The following DNMT3A variants were observed in gnomAD, a reference collection of about 807,000 sequenced individuals.
DNMT3A encodes the protein DNA methyltransferase 3 alpha.
Under a neutral mutation model 117.6 loss-of-function variants are expected in DNMT3A, and 267 were observed. The ratio of observed to expected loss-of-function variants is 2.27; its 90% CI spans 2.05 to 2.51. The LOEUF (loss-of-function observed/expected upper bound fraction) is 2.51, where lower values mean the gene tolerates loss of function less well. Ranked by LOEUF, DNMT3A falls within the 30% of genes most tolerant of loss-of-function variation. DNMT3A has a pLI of 0.00. For synonymous variants in DNMT3A, 432 were observed against 474.8 expected, an observed-to-expected ratio of 0.91 and a Z score of 1.17; for missense variants, 1,029 against 1,260.2, an observed-to-expected ratio of 0.82 and a Z score of 2.78.
At position 25,234,821 on chromosome 2, in the gene DNMT3A, G is replaced by A. The variant is rs148091469; in HGVS notation, c.2598-401C>T. Among the ~76,000 whole-genome samples the A allele has an allele frequency of 6.6e-6, 1 of 152,262 alleles. No individual in the cohort carries two copies. The highest frequency in any genetic ancestry group is 2.4e-5 in the African/African-American group (1 of 41,536). On this transcript the variant is annotated intron_variant, in intron 22 of 22. Transcript: ENST00000321117. This position sits in a 1 kb window ranked among gnomAD's most constrained non-coding sequence, Gnocchi z 4.5. ...CGTACACCTGGAGTCTGCATGTAAC[G>A]AACACGTAGCCCTAGCATCCTCCCC...
chr2:25,275,532 T>C lies in DNMT3A; in HGVS notation c.460A>G (p.Lys154Glu), dbSNP rs1388356560. Residue 154 changes from lysine to glutamate, a missense_variant, in exon 5 of 23, where the codon AAG (lysine) becomes GAG (glutamate). Physicochemically the swap from Lys to Glu is moderately conservative, Grantham distance 56. Coordinates refer to ENST00000321117, the MANE Select transcript of DNMT3A (RefSeq NM_022552.5). ...GAPAEAGKEQKETNIESMKME... is the reference protein window; with the variant it reads ...GAPAEAGKEQEETNIESMKME... ...TTCATGGATTCGATGTTGGTCTCCT[T>C]CTGTTCTTTGCCTGTGGAGAGGGAA... is the stretch of plus-strand genomic sequence containing the variant. 1.9e-6 allele frequency: 3 copies of C among 1,583,892 alleles called. No individual in the cohort carries two copies. The highest frequency in any genetic ancestry group is 2.6e-6 in the Non-Finnish European group (3 of 1,170,242).
intron 6 of DNMT3A, among the ~76,000 whole-genome samples, chr2:25,249,425 T>C (rs1325871040): frequency 6.6e-6 from 1 of 152,198 alleles, no homozygotes; most frequent in Admixed American, 6.5e-5. Flanking sequence ...CAAGAGCCTG[T>C]CTGTTCCCAT....
At chr2:25,291,106 G>T (rs2032727097) in intron 3 of DNMT3A, among the ~76,000 whole-genome samples, 1 of 152,178 alleles carries the variant, frequency 6.6e-6, no homozygotes, top group Non-Finnish European at 1.5e-5. Context: ...GTGCAAGGAA[G>T]CTGCGTGATG....
intron 1 of DNMT3A, among the ~76,000 whole-genome samples, chr2:25,317,563 T>C (rs1287341984): frequency 1.3e-5 from 2 of 152,162 alleles, no homozygotes; most frequent in African/African-American, 2.4e-5. Context: ...AAGAGGATGC[T>C]TGTGTGAGAA....
At position 25,240,632 on chromosome 2, in the gene DNMT3A, G is replaced by T; in HGVS notation, c.2173+8C>A. 6.2e-7 allele frequency: 1 copy of T among 1,614,168 alleles called. No individual in the cohort carries two copies. On this transcript the variant is annotated splice_region_variant and intron_variant, in intron 18 of 22. Transcript: ENST00000321117. ...CTGAGAAGGTGGAGGGGACAGGATG[G>T]TACCTACCGTAGAGGCCCTTGCGAG...
At chr2:25,314,230 G>A in intron 1 of DNMT3A, 69 bp from the exon 2 acceptor site, 1 of 1,381,666 alleles carries the variant, frequency 7.2e-7, no homozygotes, top group African/African-American at 1.5e-5. Context: ...CCTCAGCCCA[G>A]GGCCACACCT....
intron 6 of DNMT3A, among the ~76,000 whole-genome samples, chr2:25,249,377 T>TC (rs1412332562): frequency 6.6e-6 from 1 of 151,980 alleles, no homozygotes; most frequent in Non-Finnish European, 1.5e-5. Flanking sequence ...AGAGCCCATC[T>TC]CCCCCCAGCA....
At chr2:25,303,321 C>T (rs1414961049) in intron 2 of DNMT3A, among the ~76,000 whole-genome samples, 5 of 152,244 alleles carry the variant, frequency 3.3e-5, no homozygotes, top group Non-Finnish European at 2.9e-5. Flanking sequence ...ACTGGGCATG[C>T]GGAGAAAGCC....
intron 3 of DNMT3A, among the ~76,000 whole-genome samples, chr2:25,290,484 G>A (rs1403932850): frequency 6.6e-6 from 1 of 152,152 alleles, no homozygotes; most frequent in Non-Finnish European, 1.5e-5. Context: ...ACCACATCCA[G>A]CTAATTTTTG....
rs980118406 is a variant in DNMT3A, at chr2:25,306,281, A to G, written c.73-6038T>C. Among the ~76,000 whole-genome samples the G allele has an allele frequency of 6.6e-6, 1 of 152,212 alleles. No individual in the cohort carries two copies. The highest frequency in any genetic ancestry group is 6.5e-5 in the Admixed American group (1 of 15,278). The stretch of plus-strand genomic sequence containing the variant: ...CAGGCAGTGGGCTGGGAATCACTGT[A>G]GATGCGCATGGGCCCAGAGCCCTCC... On this transcript the variant is annotated intron_variant, in intron 2 of 22. Coordinates refer to ENST00000321117, the MANE Select transcript of DNMT3A (RefSeq NM_022552.5). The surrounding 1 kb of genome is among the most constrained non-coding windows in gnomAD (Gnocchi z 4.1).
At position 25,327,881 on chromosome 2, in the gene DNMT3A, A is replaced by G. The variant is rs1426457541; in HGVS notation, c.-177-13720T>C. ...AAGTCCCAAACCCTGGAGAAAACTC[A>G]GGTCCCACCTTTCCCCTGGGTCCTC... On this transcript the variant is annotated intron_variant, in intron 1 of 22. Coordinates refer to ENST00000321117, the MANE Select transcript of DNMT3A (RefSeq NM_022552.5). This position sits in a 1 kb window ranked among gnomAD's most constrained non-coding sequence, Gnocchi z 4.1. Among the ~76,000 whole-genome samples the G allele has an allele frequency of 1.3e-5, 2 of 152,150 alleles. No homozygotes were observed. Among genetic ancestry groups the G allele is most frequent in the Non-Finnish European group, 2.9e-5 (2 of 68,032 alleles).
intron 4 of DNMT3A, among the ~76,000 whole-genome samples, chr2:25,278,427 G>T (rs1240635446): frequency 6.6e-6 from 1 of 152,228 alleles, no homozygotes; most frequent in Non-Finnish European, 1.5e-5. Context: ...GTAGAGAGGG[G>T]TTTTGTGCTG....
chr2:25,326,148 GT>G, intron 1 of DNMT3A, among the ~76,000 whole-genome samples: 1 of 148,020 alleles, frequency 6.8e-6, no homozygotes, highest in Non-Finnish European at 1.5e-5. Context: ...GTGTGTGTGT[GT>G]GTGGTGTGTT....
intron 6 of DNMT3A, among the ~76,000 whole-genome samples, chr2:25,248,915 G>C (rs144571400): frequency 6.6e-6 from 1 of 151,978 alleles, no homozygotes; most frequent in Non-Finnish European, 1.5e-5. Flanking sequence ...TGTGCACAAC[G>C]TGCAGGTTTG....
intron 3 of DNMT3A, among the ~76,000 whole-genome samples, chr2:25,287,522 G>A (rs941769197): frequency 7.2e-5 from 11 of 152,130 alleles, no homozygotes; most frequent in African/African-American, 2.4e-4. Flanking sequence ...CCTTGCCTCC[G>A]GCTTTTCCTC....
intron 5 of DNMT3A, 151 bp from the exon 6 acceptor site, chr2:25,275,238 G>T (rs111720130): frequency 2.4e-6 from 3 of 1,229,612 alleles, no homozygotes; most frequent in African/African-American, 1.5e-5. Context: ...GGCTGGAGGA[G>T]CGAGGGGCAT....
At position 25,247,932 on chromosome 2, in the gene DNMT3A, A is replaced by G; in HGVS notation, c.855+105T>C. The G allele has an allele frequency of 1.9e-6, 3 of 1,545,860 alleles. No homozygotes were observed. The South Asian group carries it at 3.5e-5, about 18-fold the overall frequency. ...AAGAGGCCCGGGGTCAGGTGGAGAG[A>G]GCGAGCGGCCCGTGGGAGATGGAGA... On this transcript the variant is annotated intron_variant, in intron 7 of 22. Transcript: ENST00000321117. This position sits in a 1 kb window ranked among gnomAD's most constrained non-coding sequence, Gnocchi z 5.6.
Position 25,234,231 on chromosome 2 carries a change from T to G in DNMT3A, c.*48A>C. ...GTTTTATTATGTTTTGTGTTTTTTG[T>G]TTGTTTGTTTAACTTTGTGTCGCTA... On this transcript the variant is annotated 3_prime_UTR_variant, in exon 23 of 23. Coordinates refer to ENST00000321117, the MANE Select transcript of DNMT3A (RefSeq NM_022552.5). The surrounding 1 kb of genome is among the most constrained non-coding windows in gnomAD (Gnocchi z 4.5). 1 of 1,569,168 alleles carries G rather than the reference T, an allele frequency of 6.4e-7. No individual in the cohort carries two copies. Among genetic ancestry groups the G allele is most frequent in the Non-Finnish European group, 8.7e-7 (1 of 1,151,724 alleles).
At chr2:25,239,319 C>A in intron 19 of DNMT3A, 104 bp from the exon 20 acceptor site, 1 of 978,144 alleles carries the variant, frequency 1.0e-6, no homozygotes, top group South Asian at 1.4e-5. Context: ...TCTTACTTCT[C>A]TCTCAGGAGC....
Sources: allele counts gnomAD v4.1 joint callset (sites outside exome capture counted in the v4.1 genomes callset), GRCh38; gene constraint gnomAD v4.1.1; non-coding constraint Gnocchi (gnomAD v3.1); transcripts MANE v1.5; gene names NCBI Gene and HGNC (gene_info 2026-07-23, HGNC 2026-07-21).